The following SAMMSON variants were observed in gnomAD, a reference collection of about 807,000 sequenced individuals.
SAMMSON encodes survival associated mitochondrial melanoma specific oncogenic non-coding RNA, also known as long intergenic non-protein coding RNA 1212.
chr3:70,037,930 T>C (rs574751817), intron 3 of SAMMSON, among the ~76,000 whole-genome samples: 344 of 152,290 alleles, frequency 2.3e-3, no homozygotes, highest in African/African-American at 8.0e-3. Flanking sequence ...TACTAAGGTG[T>C]TCGATTATAT....
At chr3:70,318,268 A>G (rs1296855696) in intron 7 of SAMMSON, among the ~76,000 whole-genome samples, 1 of 151,854 alleles carries the variant, frequency 6.6e-6, no homozygotes, top group African/African-American at 2.4e-5. Context: ...AGACCACTTG[A>G]TATTTTTACA....
intron 4 of SAMMSON, among the ~76,000 whole-genome samples, chr3:70,179,918 T>C (rs781313051): frequency 1.3e-5 from 2 of 152,046 alleles, no homozygotes; most frequent in African/African-American, 2.4e-5. Context: ...CAGTGGATAG[T>C]GTCAACAGTC....
chr3:70,329,207 C>T (rs953911731), intron 7 of SAMMSON, among the ~76,000 whole-genome samples: 1 of 152,022 alleles, frequency 6.6e-6, no homozygotes, highest in African/African-American at 2.4e-5. Flanking sequence ...ACAGGAGAAA[C>T]TTTCTGAATA....
At chr3:70,400,148 T>TTAA (rs1553662558) in intron 2 of SAMMSON, among the ~76,000 whole-genome samples, 1 of 152,176 alleles carries the variant, frequency 6.6e-6, no homozygotes, top group Non-Finnish European at 1.5e-5. Flanking sequence ...AAAATACATG[T>TTAA]AATCAAGAAA....
At chr3:70,125,035 A>G in intron 4 of SAMMSON, 1 of 737,114 alleles carries the variant, frequency 1.4e-6, no homozygotes, top group Non-Finnish European at 2.4e-6. Flanking sequence ...CTTGAAAGAT[A>G]CAGGATTCAA....
At chr3:70,225,685 G>C (rs1352833106) in intron 4 of SAMMSON, among the ~76,000 whole-genome samples, 1 of 152,156 alleles carries the variant, frequency 6.6e-6, no homozygotes, top group Non-Finnish European at 1.5e-5. Flanking sequence ...AAGCAGTTTA[G>C]TGTTTCTTGA....
intron 7 of SAMMSON, among the ~76,000 whole-genome samples, chr3:70,329,907 C>A (rs957334348): frequency 3.3e-5 from 5 of 151,724 alleles, no homozygotes; most frequent in Admixed American, 2.6e-4. Flanking sequence ...CAGAAAAACA[C>A]CTGTATGTAC....
At chr3:70,216,763 G>T (rs1701415889) in intron 4 of SAMMSON, among the ~76,000 whole-genome samples, 1 of 152,076 alleles carries the variant, frequency 6.6e-6, no homozygotes, top group African/African-American at 2.4e-5. Context: ...CAAAAACAGT[G>T]CTTCCCAATC....
chr3:70,236,727 C>G (rs1701613352), intron 4 of SAMMSON, among the ~76,000 whole-genome samples: 1 of 152,032 alleles, frequency 6.6e-6, no homozygotes, highest in African/African-American at 2.4e-5. Flanking sequence ...TCGTGAGTAG[C>G]TGGGACCACT....
chr3:70,158,401 G>T (rs2067600605), intron 4 of SAMMSON, among the ~76,000 whole-genome samples: 1 of 151,952 alleles, frequency 6.6e-6, no homozygotes, highest in Admixed American at 6.6e-5. Context: ...CCTTTTTATT[G>T]TTGAATAGTA....
intron 9 of SAMMSON, among the ~76,000 whole-genome samples, chr3:70,368,469 C>A (rs1418568776): frequency 6.6e-6 from 1 of 151,568 alleles, no homozygotes; most frequent in African/African-American, 2.4e-5. Flanking sequence ...TATTTGCCAT[C>A]TATAATTTTC....
chr3:70,264,299 A>G (rs111758303), intron 6 of SAMMSON, among the ~76,000 whole-genome samples: 82 of 152,282 alleles, frequency 5.4e-4, no homozygotes, highest in African/African-American at 1.9e-3. Context: ...TACTTTTGCA[A>G]TTTGCCACAA....
intron 3 of SAMMSON, among the ~76,000 whole-genome samples, chr3:70,064,847 C>A (rs1243555121): frequency 6.6e-6 from 1 of 151,908 alleles, no homozygotes; most frequent in South Asian, 2.1e-4. Flanking sequence ...GTATGCATGG[C>A]GTGTGTACAG....
At chr3:70,021,909 A>G (rs557610215) in intron 3 of SAMMSON, among the ~76,000 whole-genome samples, 1 of 152,288 alleles carries the variant, frequency 6.6e-6, no homozygotes. Flanking sequence ...TTATTTTCAA[A>G]GAAACCTATG....
At chr3:70,041,281 G>T (rs1382268354) in intron 3 of SAMMSON, among the ~76,000 whole-genome samples, 5 of 152,112 alleles carry the variant, frequency 3.3e-5, no homozygotes, top group East Asian at 3.9e-4. Context: ...GGATGTGGTT[G>T]CTGGGAAGTA....
intron 7 of SAMMSON, among the ~76,000 whole-genome samples, chr3:70,341,806 GAC>G (rs1196447704): frequency 6.6e-6 from 1 of 151,646 alleles, no homozygotes; most frequent in East Asian, 1.9e-4. Flanking sequence ...TCCTTGTTAA[GAC>G]ACAGTGTCTA....
At chr3:70,134,562 A>T (rs1285243254) in intron 4 of SAMMSON, among the ~76,000 whole-genome samples, 1 of 152,166 alleles carries the variant, frequency 6.6e-6, no homozygotes, top group South Asian at 2.1e-4. Flanking sequence ...CTTAACTTGC[A>T]TGCTTTACAT....
At chr3:70,302,490 G>A (rs1456823761) in intron 7 of SAMMSON, 1 of 152,052 alleles carries the variant, frequency 6.6e-6, no homozygotes, top group African/African-American at 2.4e-5. Context: ...TACTAATGTT[G>A]ATTAAGTGTA....
chr3:70,399,479 A>C (rs1701120582), intron 2 of SAMMSON, among the ~76,000 whole-genome samples: 1 of 152,198 alleles, frequency 6.6e-6, no homozygotes, highest in African/African-American at 2.4e-5. Flanking sequence ...TTTCCCCAGG[A>C]TGCAATGTAG....
Sources: gnomAD v4.1 joint callset for allele counts (sites outside exome capture counted in the v4.1 genomes callset) on GRCh38, gnomAD v4.1.1 for gene constraint, MANE v1.5 for transcripts, NCBI Gene and HGNC (gene_info 2026-07-23, HGNC 2026-07-21) for gene names.